SORCS1: variants seen among roughly 807,000 people sequenced by gnomAD.
The protein encoded by SORCS1 is VPS10 domain-containing receptor SorCS1.
Under a neutral mutation model 146.1 loss-of-function variants are expected in SORCS1, and 60 were observed. The ratio of observed to expected loss-of-function variants is 0.41; its 90% CI spans 0.33 to 0.51. The LOEUF (loss-of-function observed/expected upper bound fraction) is 0.51, where lower values mean the gene tolerates loss of function less well. Ranked by LOEUF, SORCS1 falls within the 20% of genes least tolerant of loss-of-function variation. The pLI, the probability that SORCS1 is intolerant of heterozygous loss-of-function variation, is 0.21. For synonymous variants in SORCS1, 637 were observed against 584.0 expected (o/e 1.09, Z -1.31); for missense variants, 1,352 against 1,487.6 (o/e 0.91, Z 1.50).
intron 3 of SORCS1, among the ~76,000 whole-genome samples, chr10:106,795,418 C>A (rs977521010): frequency 6.6e-6 from 1 of 152,220 alleles, no homozygotes; most frequent in Admixed American, 6.5e-5. Flanking sequence ...GTTATCAACT[C>A]ATTCTTAGAA....
At chr10:107,137,059 G>A (rs1224496025) in intron 1 of SORCS1, among the ~76,000 whole-genome samples, 1 of 152,238 alleles carries the variant, frequency 6.6e-6, no homozygotes, top group Non-Finnish European at 1.5e-5. Flanking sequence ...GGGCTCTGTG[G>A]TCGTAAGGCT....
At chr10:106,737,054 C>CGTGTG (rs1857000761) in intron 5 of SORCS1, among the ~76,000 whole-genome samples, 1 of 149,266 alleles carries the variant, frequency 6.7e-6, no homozygotes, top group Non-Finnish European at 1.5e-5. Context: ...TGTGTGTGTG[C>CGTGTG]ATGTGAGTGT....
chr10:106,890,809 T>C (rs1951199690), intron 2 of SORCS1, among the ~76,000 whole-genome samples: 1 of 113,810 alleles, frequency 8.8e-6, no homozygotes, highest in Admixed American at 7.8e-5. Context: ...TTTATATACA[T>C]ACATTTTTTT....
intron 21 of SORCS1, among the ~76,000 whole-genome samples, chr10:106,613,672 A>G (rs1290498645): frequency 6.6e-6 from 1 of 152,124 alleles, no homozygotes; most frequent in African/African-American, 2.4e-5. Context: ...TTGGCACATA[A>G]TAGACTCAGA....
chr10:106,659,727 G>A lies in SORCS1; in HGVS notation c.2304-7174C>T, dbSNP rs114565639. Among the ~76,000 whole-genome samples, 801 of 152,258 alleles carry A rather than the reference G, an allele frequency of 5.3e-3. 5 individuals are homozygous for A. The highest frequency in any genetic ancestry group is 0.018 in the African/African-American group (760 of 41,560). On this transcript the variant is annotated intron_variant, in intron 17 of 25. Transcript: ENST00000263054. Reference sequence around the variant, plus strand: ...CTCTTGCCACTGTACCATAGCACCAGGATAAGAATTGTTAATGCCAAGGCC... The same window carrying A: ...CTCTTGCCACTGTACCATAGCACCAAGATAAGAATTGTTAATGCCAAGGCC...
intron 2 of SORCS1, among the ~76,000 whole-genome samples, chr10:106,928,665 C>G (rs1051140610): frequency 1.3e-5 from 2 of 152,180 alleles, no homozygotes; most frequent in Non-Finnish European, 2.9e-5. Context: ...CTCAATACCC[C>G]ACAGAAGCAA....
rs1236302680 is a variant in SORCS1, at chr10:107,164,628, C to A, written c.-102G>T. ...GGGGCCGGCGCTCAGGACCCCAACT[C>A]CATCCAAGTTGCGCCGCGGTGGGGG... is the stretch of plus-strand genomic sequence containing the variant. On this transcript the variant is annotated 5_prime_UTR_variant, in exon 1 of 26. An upstream open reading frame in the 5' UTR gains an earlier in-frame stop. Coordinates refer to ENST00000263054, the MANE Select transcript of SORCS1 (RefSeq NM_052918.5). This position sits in a 1 kb window ranked among gnomAD's most constrained non-coding sequence, Gnocchi z 6.8. The A allele has an allele frequency of 4.5e-5, 45 of 991,382 alleles. No individual in the cohort carries two copies. Among genetic ancestry groups the A allele is most frequent in the Non-Finnish European group, 5.4e-5 (41 of 761,564 alleles). The allele number at this position is 991,382 out of a possible 1,614,324, so 61.4% of individuals were successfully genotyped here.
chr10:106,646,519 G>A (rs567459976), intron 18 of SORCS1, among the ~76,000 whole-genome samples: 247 of 151,086 alleles, frequency 1.6e-3, no homozygotes, highest in African/African-American at 5.4e-3. Flanking sequence ...AACATGGTGA[G>A]ACCCCGTCTC....
At chr10:107,122,714 A>T (rs1037541314) in intron 1 of SORCS1, among the ~76,000 whole-genome samples, 2 of 152,206 alleles carry the variant, frequency 1.3e-5, no homozygotes, top group African/African-American at 4.8e-5. Context: ...GGAAAGAAAA[A>T]AAAAAGTAGT....
intron 18 of SORCS1, among the ~76,000 whole-genome samples, chr10:106,651,175 C>T (rs1849832891): frequency 6.6e-6 from 1 of 152,202 alleles, no homozygotes; most frequent in African/African-American, 2.4e-5. Context: ...GAGATATGCA[C>T]ATCGTTTGAG....
intron 18 of SORCS1, among the ~76,000 whole-genome samples, chr10:106,648,464 T>C (rs2133738532): frequency 6.6e-6 from 1 of 152,342 alleles, no homozygotes; most frequent in African/African-American, 2.4e-5. Context: ...CTGATGTATT[T>C]TAATGCTACA....
At chr10:107,095,792 A>T (rs1028730542) in intron 1 of SORCS1, among the ~76,000 whole-genome samples, 2 of 151,960 alleles carry the variant, frequency 1.3e-5, no homozygotes, top group Non-Finnish European at 1.5e-5. Context: ...GAGGAATATT[A>T]AAAAAAAGGT....
At chr10:106,819,718 G>A (rs577958714) in intron 3 of SORCS1, among the ~76,000 whole-genome samples, 15 of 152,178 alleles carry the variant, frequency 9.9e-5, no homozygotes, top group South Asian at 2.1e-4. Context: ...TGGCAAAACC[G>A]ATTTCAACCA....
chr10:107,104,422 C>T (rs1965161510), intron 1 of SORCS1, among the ~76,000 whole-genome samples: 2 of 152,170 alleles, frequency 1.3e-5, no homozygotes, highest in East Asian at 3.9e-4. Context: ...CTTCCTTCTC[C>T]TGAAACAGTG....
intron 25 of SORCS1, chr10:106,578,811 TA>T: frequency 3.1e-6 from 4 of 1,277,034 alleles, no homozygotes; most frequent in Non-Finnish European, 4.0e-6. Flanking sequence ...TCTTTGCCCA[TA>T]AACATATAAC....
chr10:107,124,642 A>C (rs1966600937), intron 1 of SORCS1, among the ~76,000 whole-genome samples: 1 of 152,158 alleles, frequency 6.6e-6, no homozygotes, highest in Non-Finnish European at 1.5e-5. Flanking sequence ...GCACAAAAAA[A>C]GATAAAAGAA....
intron 1 of SORCS1, among the ~76,000 whole-genome samples, chr10:107,026,180 G>A (rs1958392336): frequency 6.6e-6 from 1 of 152,176 alleles, no homozygotes; most frequent in Admixed American, 6.5e-5. Flanking sequence ...GAATGTTTCA[G>A]AAAGTTTATA....
chr10:107,010,111 TCC>T (rs1449087889), intron 1 of SORCS1, among the ~76,000 whole-genome samples: 3 of 152,268 alleles, frequency 2.0e-5, no homozygotes, highest in Non-Finnish European at 4.4e-5. Flanking sequence ...GTAACAGTCA[TCC>T]ACAACACCTG....
chr10:106,589,941 T>C (rs542128280), intron 24 of SORCS1, among the ~76,000 whole-genome samples: 2 of 152,312 alleles, frequency 1.3e-5, no homozygotes, highest in East Asian at 3.9e-4. Flanking sequence ...TTTGCATTAA[T>C]AAAATTTCTT....
Sources: allele counts gnomAD v4.1 joint callset (sites outside exome capture counted in the v4.1 genomes callset), GRCh38; gene constraint gnomAD v4.1.1; non-coding constraint Gnocchi (gnomAD v3.1); transcripts MANE v1.5; gene names NCBI Gene and HGNC (gene_info 2026-07-23, HGNC 2026-07-21).